Variants in DCLK1 observed in about 807,000 individuals in gnomAD.
DCLK1 encodes the protein doublecortin like kinase 1.
DCLK1 carries 16 observed loss-of-function variants against 86.2 expected under a neutral mutation model. The ratio of observed to expected loss-of-function variants is 0.19; its 90% confidence interval spans 0.13 to 0.28. DCLK1 has a LOEUF of 0.28. Among genes scored for constraint, DCLK1 ranks in the 10% least tolerant of loss-of-function variants. DCLK1 has a pLI of 1.00. For missense variants in DCLK1, 590 were observed against 940.2 expected (o/e 0.63, Z 4.87); for synonymous variants, 369 against 370.5 (o/e 1.00, Z 0.05).
chr13:35,904,469 G>C (rs1243717913), intron 4 of DCLK1, among the ~76,000 whole-genome samples: 1 of 152,204 alleles, frequency 6.6e-6, no homozygotes, highest in Non-Finnish European at 1.5e-5. Context: ...TGAGATTACA[G>C]GCATAAGCCA....
chr13:36,008,780 A>G (rs1414706978), intron 3 of DCLK1, among the ~76,000 whole-genome samples: 2 of 151,672 alleles, frequency 1.3e-5, no homozygotes, highest in African/African-American at 4.8e-5. Context: ...CTAGTTCTAG[A>G]TCCCTGAGAA....
chr13:36,113,232 A>G (rs902329566), intron 2 of DCLK1, among the ~76,000 whole-genome samples: 2 of 152,228 alleles, frequency 1.3e-5, no homozygotes, highest in African/African-American at 4.8e-5. Context: ...TTCACAGTGC[A>G]AGCATCCAAG....
At chr13:35,987,223 G>A (rs943553204) in intron 3 of DCLK1, among the ~76,000 whole-genome samples, 4 of 151,958 alleles carry the variant, frequency 2.6e-5, no homozygotes, top group African/African-American at 7.3e-5. Context: ...GGAGTTGAAG[G>A]CCAGCCTGAC....
At chr13:35,906,095 C>T (rs1019381572) in intron 4 of DCLK1, among the ~76,000 whole-genome samples, 4 of 152,212 alleles carry the variant, frequency 2.6e-5, no homozygotes, top group African/African-American at 9.6e-5. Context: ...CAGCCACCCA[C>T]ATTGCTAGCT....
chr13:35,930,107 C>T (rs1477833194), intron 4 of DCLK1, among the ~76,000 whole-genome samples: 1 of 152,180 alleles, frequency 6.6e-6, no homozygotes, highest in African/African-American at 2.4e-5. Context: ...CTATTTTCCA[C>T]AGGGATTTTC....
intron 16 of DCLK1, chr13:35,788,359 T>C (rs2086657121): frequency 7.5e-7 from 1 of 1,328,900 alleles, no homozygotes; most frequent in East Asian, 2.3e-5. Flanking sequence ...ACCAAGCTGT[T>C]CTTCATTGAT....
At chr13:35,846,295 A>G in intron 6 of DCLK1, 1 of 985,328 alleles carries the variant, frequency 1.0e-6, no homozygotes, top group South Asian at 4.7e-5. Context: ...TAGAAAAAAT[A>G]AACTCAATTC....
At chr13:36,060,069 C>A (rs1340390382) in intron 3 of DCLK1, among the ~76,000 whole-genome samples, 1 of 151,960 alleles carries the variant, frequency 6.6e-6, no homozygotes, top group Non-Finnish European at 1.5e-5. Flanking sequence ...TGGGGTTTCA[C>A]CATGTTGGCC....
chr13:35,843,111 T>A (rs1869922405), intron 6 of DCLK1, among the ~76,000 whole-genome samples: 1 of 152,212 alleles, frequency 6.6e-6, no homozygotes, highest in African/African-American at 2.4e-5. Flanking sequence ...TGCTTGTAAA[T>A]GGAATCAATT....
intron 6 of DCLK1, among the ~76,000 whole-genome samples, chr13:35,842,090 A>G (rs990148695): frequency 1.3e-5 from 2 of 151,792 alleles, no homozygotes; most frequent in African/African-American, 4.8e-5. Flanking sequence ...TTAGCCAGGC[A>G]TGGTGGCGGG....
At chr13:36,097,272 A>G (rs1885050620) in intron 3 of DCLK1, among the ~76,000 whole-genome samples, 1 of 152,242 alleles carries the variant, frequency 6.6e-6, no homozygotes, top group Non-Finnish European at 1.5e-5. Context: ...TCTTGGTCAA[A>G]GTGTCTAACA....
At chr13:36,106,653 TG>T (rs1885408242) in intron 3 of DCLK1, among the ~76,000 whole-genome samples, 1 of 152,200 alleles carries the variant, frequency 6.6e-6, no homozygotes, top group African/African-American at 2.4e-5. Context: ...TAATTAGAAC[TG>T]TCACAGAAAA....
chr13:35,947,772 C>G (rs1234418761), intron 3 of DCLK1, among the ~76,000 whole-genome samples: 4 of 152,190 alleles, frequency 2.6e-5, no homozygotes, highest in Non-Finnish European at 5.9e-5. Flanking sequence ...CCCCTTTCCT[C>G]TTCGGAATGT....
intron 2 of DCLK1, among the ~76,000 whole-genome samples, chr13:36,119,324 G>A (rs560495219): frequency 2.6e-4 from 39 of 152,178 alleles, no homozygotes; most frequent in African/African-American, 8.9e-4. Flanking sequence ...GGACAGTAAT[G>A]TTTAGAAATT....
chr13:36,108,894 C>T (rs1885507876), intron 3 of DCLK1, among the ~76,000 whole-genome samples: 1 of 152,206 alleles, frequency 6.6e-6, no homozygotes, highest in African/African-American at 2.4e-5. Flanking sequence ...AAGATGGTAG[C>T]AGTGCAGGTG....
chr13:35,963,563 T>C (rs1878570753), intron 3 of DCLK1, among the ~76,000 whole-genome samples: 1 of 152,188 alleles, frequency 6.6e-6, no homozygotes, highest in Non-Finnish European at 1.5e-5. Context: ...TCTAGGTGTT[T>C]CCAGAACCAC....
intron 1 of DCLK1, among the ~76,000 whole-genome samples, chr13:36,127,247 A>G (rs1376586345): frequency 1.3e-5 from 2 of 152,220 alleles, no homozygotes; most frequent in East Asian, 1.9e-4. Context: ...AATTCACTAT[A>G]CTTCATTTAC....
chr13:35,884,103 A>G (rs1873084166), intron 4 of DCLK1, among the ~76,000 whole-genome samples: 1 of 152,000 alleles, frequency 6.6e-6, no homozygotes, highest in Non-Finnish European at 1.5e-5. Flanking sequence ...GGATCCACAG[A>G]CCAGACAGCT....
At chr13:35,918,738 CG>C (rs1364244343) in intron 4 of DCLK1, among the ~76,000 whole-genome samples, 1 of 151,838 alleles carries the variant, frequency 6.6e-6, no homozygotes, top group African/African-American at 2.4e-5. Flanking sequence ...CATGACTGGC[CG>C]TATCTACCTC....
Sources: gnomAD v4.1 joint callset for allele counts (sites outside exome capture counted in the v4.1 genomes callset) on GRCh38, gnomAD v4.1.1 for gene constraint, MANE v1.5 for transcripts, NCBI Gene and HGNC (gene_info 2026-07-23, HGNC 2026-07-21) for gene names.